The following NUP210L variants were observed in gnomAD, a reference collection of about 807,000 sequenced individuals.
The protein encoded by NUP210L is nuclear pore membrane glycoprotein 210-like.
A neutral mutation model predicts 208.5 loss-of-function variants in NUP210L; 74 were observed. The observed-to-expected ratio is 0.35, with a 90% CI of 0.29 to 0.43. The LOEUF (loss-of-function observed/expected upper bound fraction) is 0.43, where lower values mean the gene tolerates loss of function less well. Ranked by LOEUF, NUP210L falls within the 20% of genes least tolerant of loss-of-function variation. The probability of loss-of-function intolerance (pLI) is 1.00; values close to 1 mark genes in which losing one functional copy is unlikely to be tolerated. For missense variants in NUP210L, 1,843 were observed against 2,289.4 expected, an observed-to-expected ratio of 0.81 and a Z score of 3.98; for synonymous variants, 780 against 816.9, an observed-to-expected ratio of 0.95 and a Z score of 0.77.
intron 16 of NUP210L, among the ~76,000 whole-genome samples, chr1:154,075,771 T>C (rs1013905894): frequency 1.3e-5 from 2 of 152,018 alleles, no homozygotes; most frequent in African/African-American, 2.4e-5. Flanking sequence ...ACATTGAGCT[T>C]ACAAGGCAAA....
chr1:154,144,300 G>T (rs139792292), intron 2 of NUP210L, among the ~76,000 whole-genome samples: 1 of 152,280 alleles, frequency 6.6e-6, no homozygotes, highest in African/African-American at 2.4e-5. Flanking sequence ...TTTCTTTTAT[G>T]AAATAATGGT....
chr1:154,091,988 T>C (rs1447254158), intron 15 of NUP210L, among the ~76,000 whole-genome samples: 1 of 151,930 alleles, frequency 6.6e-6, no homozygotes, highest in Non-Finnish European at 1.5e-5. Context: ...ATTTATGTGA[T>C]GTACTTAGAG....
chr1:154,072,447 T>C (rs568582479), intron 16 of NUP210L, among the ~76,000 whole-genome samples: 18 of 150,150 alleles, frequency 1.2e-4, no homozygotes, highest in South Asian at 4.3e-4. Context: ...ATTCTCCTGC[T>C]TCAGCCTCCC....
At chr1:154,054,196 A>G (rs780218452) in intron 25 of NUP210L, 32 bp downstream of exon 25, 1 of 1,610,316 alleles carries the variant, frequency 6.2e-7, no homozygotes, top group South Asian at 1.1e-5. Flanking sequence ...TCAATAGAAG[A>G]ATAGAAGCAG....
At chr1:154,127,586 T>C (rs1400892669) in intron 8 of NUP210L, among the ~76,000 whole-genome samples, 169 bp from the exon 9 acceptor site, 1 of 151,186 alleles carries the variant, frequency 6.6e-6, no homozygotes, top group Non-Finnish European at 1.5e-5. Flanking sequence ...AGAGTCTTGC[T>C]TTGTCACCCA....
chr1:154,126,245 T>C (rs966759723), intron 10 of NUP210L, 78 bp downstream of exon 10: 8 of 1,276,994 alleles, frequency 6.3e-6, no homozygotes, highest in African/African-American at 1.5e-5. Context: ...ATATGCTATA[T>C]ATCTGCTTGC....
chr1:154,113,707 A>T (rs1487605893), intron 12 of NUP210L, among the ~76,000 whole-genome samples: 1 of 151,756 alleles, frequency 6.6e-6, no homozygotes, highest in Non-Finnish European at 1.5e-5. Flanking sequence ...AAAATACAAA[A>T]ATTAGCCAGG....
chr1:154,005,396 T>G (rs974139724), intron 35 of NUP210L, among the ~76,000 whole-genome samples: 1 of 151,224 alleles, frequency 6.6e-6, no homozygotes, highest in East Asian at 2.0e-4. Flanking sequence ...GCCTGGCTAA[T>G]TTTTGTATTT....
At position 154,070,272 on chromosome 1, in the gene NUP210L, C is replaced by A; in HGVS notation, c.2554+1G>T. ...AAAAGACTTGTATATTTTCACAATA[C>A]CATGTAACCGGGTCTGCCCACTGCC... On this transcript the variant is annotated splice_donor_variant, in intron 17 of 39. Coordinates refer to ENST00000368559, the Ensembl canonical transcript of NUP210L. LOFTEE classifies it high-confidence loss of function. 1 of 1,573,578 alleles carries A rather than the reference C, an allele frequency of 6.4e-7. No individual in the cohort carries two copies. Among genetic ancestry groups the A allele is most frequent in the South Asian group, 1.2e-5 (1 of 83,686 alleles).
At position 154,018,855 on chromosome 1, in the gene NUP210L, AT is replaced by A. The variant is rs1166914928; in HGVS notation, c.4653+77del. The A allele has an allele frequency of 3.4e-6, 5 of 1,486,458 alleles. No homozygotes were observed. The East Asian group carries it at 6.8e-5, about 20-fold the overall frequency. The allele number at this position is 1,486,458 out of a possible 1,614,324, so 92.1% of individuals were successfully genotyped here. ...TTATGAGTGTATTTCCTTTCCTAAG[AT>A]GTATTTTCTCTATGCATATCCTCAT... On this transcript the variant is annotated intron_variant, in intron 33 of 39. Coordinates refer to ENST00000368559, the Ensembl canonical transcript of NUP210L.
At chr1:154,069,948 A>C (rs895343266) in intron 17 of NUP210L, among the ~76,000 whole-genome samples, 4 of 152,158 alleles carry the variant, frequency 2.6e-5, no homozygotes, top group African/African-American at 9.7e-5. Flanking sequence ...AACTATCACA[A>C]GGACAGAAAA....
chr1:154,112,868 A>G (rs1571287134), intron 12 of NUP210L, among the ~76,000 whole-genome samples: 1 of 151,562 alleles, frequency 6.6e-6, no homozygotes, highest in Admixed American at 6.6e-5. Flanking sequence ...GAAAAAAAAA[A>G]AAAAAAGGCC....
At chr1:154,053,155 T>C (rs978713926) in intron 25 of NUP210L, among the ~76,000 whole-genome samples, 1 of 152,198 alleles carries the variant, frequency 6.6e-6, no homozygotes, top group African/African-American at 2.4e-5. Context: ...AAAGAACAAA[T>C]ATTTAAAGCA....
chr1:154,008,751 G>T (rs947040269), intron 35 of NUP210L, among the ~76,000 whole-genome samples: 1 of 151,932 alleles, frequency 6.6e-6, no homozygotes, highest in Non-Finnish European at 1.5e-5. Flanking sequence ...AAATTACTTT[G>T]CTTTTCTTTG....
intron 14 of NUP210L, among the ~76,000 whole-genome samples, chr1:154,095,886 A>G (rs1016385275): frequency 3.3e-5 from 5 of 152,212 alleles, no homozygotes; most frequent in African/African-American, 7.2e-5. Context: ...GCATTAGGGG[A>G]ATGAAGTATT....
Position 154,126,446 on chromosome 1 carries a change from G to T in NUP210L, c.1203C>A (p.Tyr401Ter). 5 of 1,610,686 alleles carry T rather than the reference G, an allele frequency of 3.1e-6. No individual in the cohort carries two copies. The South Asian group carries it at 4.4e-5, about 14-fold the overall frequency. The stretch of plus-strand genomic sequence containing the variant: ...CTTCAAAGTACTCCTTAGGAAAGTC[G>T]TATGTAATCCTGAGATTCTGAAAAT... Residue 401 changes from tyrosine to a stop codon, truncating the protein, a stop_gained, in exon 10 of 40, where the codon TAC becomes TAA. Transcript: ENST00000368559. LOFTEE classifies it high-confidence loss of function.
chr1:154,109,427 C>G (rs530195986), intron 12 of NUP210L, among the ~76,000 whole-genome samples: 1 of 151,490 alleles, frequency 6.6e-6, no homozygotes, highest in Admixed American at 6.6e-5. Context: ...AGCTATAGAC[C>G]TCACTACATT....
intron 35 of NUP210L, among the ~76,000 whole-genome samples, chr1:154,005,912 G>A (rs181040961): frequency 1.4e-3 from 217 of 151,982 alleles, no homozygotes; most frequent in African/African-American, 5.0e-3. Flanking sequence ...TAGTAGAGAC[G>A]GGTTTCTCCA....
At chr1:154,028,629 AAT>A (rs1652038139) in intron 28 of NUP210L, among the ~76,000 whole-genome samples, 1 of 152,112 alleles carries the variant, frequency 6.6e-6, no homozygotes, top group Admixed American at 6.6e-5. Context: ...ATGGACTTAT[AAT>A]ATCTATGTCA....
Sources: allele counts gnomAD v4.1 joint callset (sites outside exome capture counted in the v4.1 genomes callset), GRCh38; gene constraint gnomAD v4.1.1; transcripts MANE v1.5; gene names NCBI Gene and HGNC (gene_info 2026-07-23, HGNC 2026-07-21).